METTL8: variants seen among roughly 807,000 people sequenced by gnomAD.
METTL8 encodes the protein methyltransferase 8, tRNA N3-cytidine.
A neutral mutation model predicts 48.7 loss-of-function variants in METTL8; 32 were observed. The ratio of observed to expected loss-of-function variants is 0.66; its 90% CI spans 0.50 to 0.88. The LOEUF is 0.88. METTL8 is among the 40% of genes least tolerant of loss of function. METTL8 has a pLI of 0.00. For missense variants in METTL8, 464 were observed against 474.4 expected (o/e 0.98, Z 0.20); for synonymous variants, 136 against 157.1 (o/e 0.87, Z 1.01).
chr2:171,428,252 G>C (rs1692616772), intron 1 of METTL8, among the ~76,000 whole-genome samples: 1 of 152,160 alleles, frequency 6.6e-6, no homozygotes, highest in Non-Finnish European at 1.5e-5. Flanking sequence ...TTCATAGGTA[G>C]AAGTCTTAAG....
intron 1 of METTL8, chr2:171,414,555 C>G (rs1325931671): frequency 6.6e-6 from 1 of 151,936 alleles, no homozygotes; most frequent in Non-Finnish European, 1.5e-5. Flanking sequence ...AGTGAGACCC[C>G]CATCTCTACA....
At chr2:171,334,383 GC>G (rs1203570029) in intron 5 of METTL8, among the ~76,000 whole-genome samples, 6 of 152,116 alleles carry the variant, frequency 3.9e-5, no homozygotes, top group Non-Finnish European at 5.9e-5. Flanking sequence ...TGTAAAATCA[GC>G]TGACTACCTT....
chr2:171,416,593 C>A (rs13390534), intron 1 of METTL8, among the ~76,000 whole-genome samples: 15,871 of 152,276 alleles, frequency 0.1, 954 homozygotes, highest in African/African-American at 0.16. Context: ...CTCCATTAGC[C>A]TTTACTCTGG....
At chr2:171,421,507 A>G (rs1691875792) in intron 1 of METTL8, among the ~76,000 whole-genome samples, 1 of 152,140 alleles carries the variant, frequency 6.6e-6, no homozygotes, top group Non-Finnish European at 1.5e-5. Context: ...ATCATTTATA[A>G]CAATGACCAA....
At chr2:171,328,830 C>G (rs1685222874) in intron 7 of METTL8, among the ~76,000 whole-genome samples, 2 of 150,124 alleles carry the variant, frequency 1.3e-5, no homozygotes, top group Non-Finnish European at 3.0e-5. Flanking sequence ...GCTGGGACTA[C>G]AGGTGTGTGC....
At chr2:171,412,070 C>T (rs59449823) in intron 1 of METTL8, among the ~76,000 whole-genome samples, 8,457 of 152,222 alleles carry the variant, frequency 0.056, 260 homozygotes, top group African/African-American at 0.072. Context: ...CTGCAAATAA[C>T]AGAAGGCACT....
At chr2:171,409,627 A>T (rs910303317) in intron 1 of METTL8, among the ~76,000 whole-genome samples, 30 of 152,090 alleles carry the variant, frequency 2.0e-4, no homozygotes, top group Admixed American at 1.3e-4. Context: ...TAGATGGGGA[A>T]ATTGTCTTAC....
chr2:171,362,087 C>T (rs752460900), intron 2 of METTL8, among the ~76,000 whole-genome samples: 2 of 152,172 alleles, frequency 1.3e-5, no homozygotes, highest in Non-Finnish European at 2.9e-5. Context: ...TCTTGGACAA[C>T]TGCAGATGAA....
At chr2:171,331,975 T>A (rs1685587262) in intron 5 of METTL8, 108 bp from the exon 6 acceptor site, 1 of 728,640 alleles carries the variant, frequency 1.4e-6, no homozygotes, top group Admixed American at 2.4e-5. Flanking sequence ...AACCTTGAGC[T>A]CCTGGACTCT....
chr2:171,363,864 G>A (rs1464873802), intron 2 of METTL8, among the ~76,000 whole-genome samples: 2 of 129,680 alleles, frequency 1.5e-5, no homozygotes, highest in Non-Finnish European at 3.3e-5. Flanking sequence ...CCAGGCTGGA[G>A]TGCAGTGGCA....
At chr2:171,375,843 G>A (rs1375416331) in intron 2 of METTL8, among the ~76,000 whole-genome samples, 5 of 152,104 alleles carry the variant, frequency 3.3e-5, no homozygotes, top group Admixed American at 6.6e-5. Context: ...ACAAAATATT[G>A]GAAAATACAA....
intron 2 of METTL8, among the ~76,000 whole-genome samples, chr2:171,373,880 T>C (rs1028551009): frequency 2.0e-5 from 3 of 152,232 alleles, no homozygotes; most frequent in Non-Finnish European, 4.4e-5. Flanking sequence ...TTGGTTACTG[T>C]AGGCTTGTAG....
At chr2:171,405,683 A>G (rs1345406087) in intron 1 of METTL8, among the ~76,000 whole-genome samples, 2 of 152,210 alleles carry the variant, frequency 1.3e-5, no homozygotes, top group African/African-American at 4.8e-5. Context: ...AAGACTGAAG[A>G]TACTGAAAAA....
intron 3 of METTL8, among the ~76,000 whole-genome samples, chr2:171,347,094 C>A (rs552284267): frequency 6.6e-6 from 1 of 152,334 alleles, no homozygotes; most frequent in African/African-American, 2.4e-5. Flanking sequence ...GCCCATCACA[C>A]TGAAGTGTTA....
At position 171,339,506 on chromosome 2, in the gene METTL8, A is replaced by AT; in HGVS notation, c.283dup (p.Ile95AsnfsTer3). 1 of 1,606,562 alleles carries AT rather than the reference A, an allele frequency of 6.2e-7. No homozygotes were observed. The highest frequency in any genetic ancestry group is 8.5e-7 in the Non-Finnish European group (1 of 1,174,042). On this transcript the variant is annotated frameshift_variant, in exon 4 of 10. Transcript: ENST00000375258. LOFTEE classifies it high-confidence loss of function. The stretch of plus-strand genomic sequence containing the variant: ...ATCCTTGAAAAACTTATTCTTATGA[A>AT]TCTTGTAAAATGTGTCCCAGTATTT...
In METTL8 at chr2:171,337,515, GA is replaced by G; in HGVS notation, c.607-14del. 2 of 1,593,706 alleles carry G rather than the reference GA, an allele frequency of 1.3e-6. No homozygotes were observed. The highest frequency in any genetic ancestry group is 1.7e-6 in the Non-Finnish European group (2 of 1,169,862). On this transcript the variant is annotated splice_polypyrimidine_tract_variant and intron_variant, in intron 4 of 9. Transcript: ENST00000375258. ...CTCCACAACCAACCTAAAATCAAAAGAACAAGCAAATATCAAAAAAAGCAAG... is the reference window on the plus strand; with the variant it reads ...CTCCACAACCAACCTAAAATCAAAAGACAAGCAAATATCAAAAAAAGCAAG...
At chr2:171,408,419 C>T (rs1337410399) in intron 1 of METTL8, among the ~76,000 whole-genome samples, 1 of 151,874 alleles carries the variant, frequency 6.6e-6, no homozygotes, top group Non-Finnish European at 1.5e-5. Context: ...CTCAGCCTCC[C>T]GAGTAGCTGG....
At chr2:171,336,399 T>C (rs1686110992) in intron 5 of METTL8, among the ~76,000 whole-genome samples, 1 of 810 alleles carries the variant, frequency 1.2e-3, no homozygotes, top group African/African-American at 2.8e-3. Flanking sequence ...CCGACTGCTT[T>C]TTTTTTTTTT....
In METTL8 at chr2:171,431,458, C is replaced by T. The variant is rs1446102552; in HGVS notation, c.-13+2425G>A. Among the ~76,000 whole-genome samples, 3 of 152,180 alleles carry T rather than the reference C, an allele frequency of 2.0e-5. No homozygotes were observed. The East Asian group carries it at 5.8e-4, about 29-fold the overall frequency. ...TTCTACTCCACTCACTCTCCGGGGT[C>T]CACACACCTAATTCTTACTGATTGT... is the stretch of plus-strand genomic sequence containing the variant. On this transcript the variant is annotated intron_variant, in intron 1 of 9. Transcript: ENST00000375258.
Sources: gnomAD v4.1 joint callset for allele counts (sites outside exome capture counted in the v4.1 genomes callset) on GRCh38, gnomAD v4.1.1 for gene constraint, MANE v1.5 for transcripts, NCBI Gene and HGNC (gene_info 2026-07-23, HGNC 2026-07-21) for gene names.